The following OTUD7A variants were observed in gnomAD, a reference collection of about 807,000 sequenced individuals.
OTUD7A encodes OTU domain-containing protein 7A.
OTUD7A carries 12 observed loss-of-function variants against 65.7 expected under a neutral mutation model. The ratio of observed to expected loss-of-function variants is 0.18; its 90% CI spans 0.12 to 0.30. The LOEUF is 0.30. Among genes scored for constraint, OTUD7A ranks in the 10% least tolerant of loss-of-function variants. The pLI, the probability that OTUD7A is intolerant of heterozygous loss-of-function variation, is 1.00. For missense variants in OTUD7A, 1,148 were observed against 1,304.8 expected (o/e 0.88, Z 1.85); for synonymous variants, 641 against 586.3 (o/e 1.09, Z -1.35).
At chr15:31,681,831 G>C in intron 1 of OTUD7A, among the ~76,000 whole-genome samples, 1 of 150,294 alleles carries the variant, frequency 6.7e-6, no homozygotes, top group Non-Finnish European at 1.5e-5. Flanking sequence ...CTGGGCCATT[G>C]CTCTGTGTTA....
chr15:31,631,359 G>C (rs1444333682), intron 3 of OTUD7A, among the ~76,000 whole-genome samples: 1 of 152,084 alleles, frequency 6.6e-6, no homozygotes, highest in Non-Finnish European at 1.5e-5. Flanking sequence ...GCTTAGTTTG[G>C]CTGGATATGA....
intron 1 of OTUD7A, among the ~76,000 whole-genome samples, chr15:31,677,858 C>T (rs1354465395): frequency 2.0e-5 from 3 of 152,142 alleles, no homozygotes; most frequent in Non-Finnish European, 4.4e-5. Context: ...GACTTTAGAA[C>T]TGGGTACAGG....
At chr15:31,592,588 A>T (rs1228895134) in intron 3 of OTUD7A, among the ~76,000 whole-genome samples, 2 of 151,960 alleles carry the variant, frequency 1.3e-5, no homozygotes, top group Non-Finnish European at 2.9e-5. Context: ...ACTTTAAAAA[A>T]ATATATAAGT....
chr15:31,660,735 G>C (rs1366973136), intron 1 of OTUD7A, among the ~76,000 whole-genome samples: 2 of 152,260 alleles, frequency 1.3e-5, no homozygotes, highest in African/African-American at 4.8e-5. Context: ...ATAGGGCTGT[G>C]TGAAAATCAA....
chr15:31,836,431 A>T (rs965422006), intron 1 of OTUD7A, among the ~76,000 whole-genome samples: 1 of 152,190 alleles, frequency 6.6e-6, no homozygotes, highest in Admixed American at 6.5e-5. Context: ...AGAAGATCTA[A>T]ACAAAATTTA....
rs1409747698 is a variant in OTUD7A, at chr15:31,630,455, G to A, written c.151+24641C>T. Among the ~76,000 whole-genome samples, 41 of 152,258 alleles carry A rather than the reference G, an allele frequency of 2.7e-4. No individual in the cohort carries two copies. In the East Asian group the frequency reaches 6.4e-3, roughly 24 times the overall value. On this transcript the variant is annotated intron_variant, in intron 3 of 12. Coordinates refer to ENST00000307050, the MANE Select transcript of OTUD7A (RefSeq NM_001382637.1). Reference sequence around the variant, plus strand: ...AGTTTGATTGCACTGTGGTCTGAGAGACAGTTTGTTATAATTTCTGTTCTT... The same window carrying A: ...AGTTTGATTGCACTGTGGTCTGAGAAACAGTTTGTTATAATTTCTGTTCTT...
intron 8 of OTUD7A, among the ~76,000 whole-genome samples, chr15:31,523,011 C>T (rs2041959281): frequency 1.3e-5 from 2 of 152,196 alleles, no homozygotes; most frequent in African/African-American, 2.4e-5. Flanking sequence ...GGAACAGGTT[C>T]TGGGAAACCC....
intron 10 of OTUD7A, among the ~76,000 whole-genome samples, chr15:31,494,307 G>A (rs1449835062): frequency 6.6e-6 from 1 of 152,138 alleles, no homozygotes; most frequent in Admixed American, 6.5e-5. Flanking sequence ...AGGCACGAGA[G>A]CGCTCTTCTT....
At chr15:31,866,862 T>C (rs1026987950) in intron 1 of OTUD7A, among the ~76,000 whole-genome samples, 5 of 152,156 alleles carry the variant, frequency 3.3e-5, no homozygotes, top group Admixed American at 3.3e-4. Flanking sequence ...TTGAAATCAG[T>C]AGTTCAGTTT....
At chr15:31,669,272 G>T (rs113871427) in intron 1 of OTUD7A, among the ~76,000 whole-genome samples, 1 of 152,150 alleles carries the variant, frequency 6.6e-6, no homozygotes, top group African/African-American at 2.4e-5. Flanking sequence ...CCCATCAGGT[G>T]GGGGCAGGGT....
chr15:31,491,858 T>C lies in OTUD7A; in HGVS notation c.1172-4292A>G, dbSNP rs1426042065. Reference sequence around the variant, plus strand: ...TAAGCCAGAAGATAATGGAGTGACATTTTTAAAGTGCTGAAAGAAAAAAAA... The same window carrying C: ...TAAGCCAGAAGATAATGGAGTGACACTTTTAAAGTGCTGAAAGAAAAAAAA... On this transcript the variant is annotated intron_variant, in intron 10 of 12. Transcript: ENST00000307050. Among the ~76,000 whole-genome samples the C allele has an allele frequency of 2.0e-5, 3 of 152,090 alleles. No homozygotes were observed. The East Asian group carries it at 5.8e-4, about 29-fold the overall frequency.
intron 5 of OTUD7A, among the ~76,000 whole-genome samples, chr15:31,550,062 T>C (rs1452419361): frequency 6.9e-6 from 1 of 145,866 alleles, no homozygotes; most frequent in African/African-American, 2.6e-5. Flanking sequence ...ATCGTGCCAC[T>C]GCACTCCAGC....
chr15:31,538,597 TTTTG>T (rs1307476534), intron 5 of OTUD7A, among the ~76,000 whole-genome samples: 2 of 152,226 alleles, frequency 1.3e-5, no homozygotes, highest in African/African-American at 2.4e-5. Flanking sequence ...GCCAGTCTAA[TTTTG>T]TTTGTTATGG....
chr15:31,782,049 T>C (rs553974923), intron 1 of OTUD7A, among the ~76,000 whole-genome samples: 7 of 152,324 alleles, frequency 4.6e-5, no homozygotes, highest in Admixed American at 3.9e-4. Flanking sequence ...TTCAGTCACG[T>C]AAGGGAATGG....
chr15:31,510,055 A>G (rs939681426), intron 8 of OTUD7A, among the ~76,000 whole-genome samples: 2 of 141,990 alleles, frequency 1.4e-5, no homozygotes, highest in Admixed American at 7.1e-5. Flanking sequence ...CCCCGCCTGC[A>G]TGTATGCGCT....
At chr15:31,486,335 C>T (rs1274713843) in intron 12 of OTUD7A, among the ~76,000 whole-genome samples, 1 of 152,160 alleles carries the variant, frequency 6.6e-6, no homozygotes, top group Non-Finnish European at 1.5e-5. Context: ...CAGTCCCTGC[C>T]TCATGGAGCC....
chr15:31,543,540 A>C (rs146444530), intron 5 of OTUD7A, among the ~76,000 whole-genome samples: 1 of 152,028 alleles, frequency 6.6e-6, no homozygotes, highest in East Asian at 1.9e-4. Context: ...CTATAGGTAA[A>C]GGTATGAAAG....
At chr15:31,524,766 C>G (rs1049485083) in intron 8 of OTUD7A, among the ~76,000 whole-genome samples, 1 of 152,184 alleles carries the variant, frequency 6.6e-6, no homozygotes, top group African/African-American at 2.4e-5. Flanking sequence ...GGGACAATGT[C>G]TGGGCCATTT....
At chr15:31,541,358 A>G (rs1328699753) in intron 5 of OTUD7A, among the ~76,000 whole-genome samples, 1 of 152,212 alleles carries the variant, frequency 6.6e-6, no homozygotes, top group African/African-American at 2.4e-5. Flanking sequence ...ACAAACCCTC[A>G]TTGATTTTTA....
Sources: gnomAD v4.1 joint callset for allele counts (sites outside exome capture counted in the v4.1 genomes callset) on GRCh38, gnomAD v4.1.1 for gene constraint, MANE v1.5 for transcripts, NCBI Gene and HGNC (gene_info 2026-07-23, HGNC 2026-07-21) for gene names.